Variants in GNRHR observed in about 807,000 individuals in gnomAD.
The protein encoded by GNRHR is gonadotropin-releasing hormone receptor.
Under a neutral mutation model 28.1 loss-of-function variants are expected in GNRHR, and 14 were observed. The observed-to-expected ratio is 0.50, with a 90% CI of 0.33 to 0.78. GNRHR has a LOEUF of 0.78. Ranked by LOEUF, GNRHR falls within the 30% of genes least tolerant of loss-of-function variation. The pLI is 0.02. For missense variants in GNRHR, 366 were observed against 382.1 expected (o/e 0.96, Z 0.35); for synonymous variants, 141 against 140.5 (o/e 1.00, Z -0.02).
intron 1 of GNRHR, among the ~76,000 whole-genome samples, chr4:67,748,716 T>C (rs1731810167): frequency 7.1e-6 from 1 of 141,844 alleles, no homozygotes; most frequent in South Asian, 2.1e-4. Context: ...TAAAGTATAA[T>C]AATAATAATA....
Position 67,753,851 on chromosome 4 carries a change from AG to A in GNRHR, c.484del (p.Leu162TrpfsTer19). ...NSKVGQSMVG[L>X]AWILSSVFAG... ...AAAGACACTACTGAGGATCCAGGCC[AG>A]GCCAACCATGGACTGTCCGACTTTG... On this transcript the variant is annotated frameshift_variant, in exon 1 of 3. Coordinates refer to ENST00000226413, the MANE Select transcript of GNRHR (RefSeq NM_000406.3). LOFTEE classifies it high-confidence loss of function. 6.2e-7 allele frequency: 1 copy of A among 1,613,868 alleles called. No homozygotes were observed. The highest frequency in any genetic ancestry group is 8.5e-7 in the Non-Finnish European group (1 of 1,179,908).
At position 67,754,099 on chromosome 4, in the gene GNRHR, G is replaced by A. The variant is rs1327752603; in HGVS notation, c.237C>T (p.Leu79=). Residue 79 remains leucine, a synonymous_variant, in exon 1 of 3, where the codon CTC becomes CTT. Transcript: ENST00000226413. ...KGKKLSRMKL[L]LKHLTLANLL... ...GGTTGGCTAAGGTCAGATGTTTTAA[G>A]AGCAGCTTCATTCTTGAGAGCTTTT... is the stretch of plus-strand genomic sequence containing the variant. The A allele has an allele frequency of 3.1e-6, 5 of 1,614,206 alleles. No individual in the cohort carries two copies. The highest frequency in any genetic ancestry group is 2.2e-5 in the East Asian group (1 of 44,888).
chr4:67,738,932 A>C lies in GNRHR; in HGVS notation c.*1548T>G, dbSNP rs1453038944. Among the ~76,000 whole-genome samples the C allele has an allele frequency of 1.3e-5, 2 of 151,934 alleles. No homozygotes were observed. On this transcript the variant is annotated 3_prime_UTR_variant, in exon 3 of 3. Coordinates refer to ENST00000226413, the MANE Select transcript of GNRHR (RefSeq NM_000406.3). ...AAAAAACAACAACACAACACTATAA[A>C]ACTGAAGTATGAGAGGAGAAAATCA...
At chr4:67,750,925 T>A (rs1176618600) in intron 1 of GNRHR, among the ~76,000 whole-genome samples, 1 of 152,182 alleles carries the variant, frequency 6.6e-6, no homozygotes. Context: ...TTCTCTCTCA[T>A]GTTCCTCATC....
Position 67,740,383 on chromosome 4 carries a change from G to A in GNRHR, c.*97C>T. 1.1e-6 allele frequency: 1 copy of A among 916,134 alleles called. No individual in the cohort carries two copies. The highest frequency in any genetic ancestry group is 1.8e-6 in the Non-Finnish European group (1 of 555,646). 56.8% of individuals were successfully genotyped at this position (916,134 alleles called of 1,614,324 possible). On this transcript the variant is annotated 3_prime_UTR_variant, in exon 3 of 3. Transcript: ENST00000226413. ...CTTAAGTGTAAATCCTACTTTGTTTGTATGTAAACATGCTCCAACATTTGT... is the reference window on the plus strand; with the variant it reads ...CTTAAGTGTAAATCCTACTTTGTTTATATGTAAACATGCTCCAACATTTGT...
intron 1 of GNRHR, 158 bp downstream of exon 1, chr4:67,753,655 AG>A: frequency 1.5e-6 from 1 of 656,838 alleles, no homozygotes; most frequent in Non-Finnish European, 2.6e-6. Flanking sequence ...AGTTTGCCCA[AG>A]GTAACAGAAC....
intron 1 of GNRHR, among the ~76,000 whole-genome samples, chr4:67,751,908 A>T (rs1300581900): frequency 6.6e-6 from 1 of 152,138 alleles, no homozygotes; most frequent in Admixed American, 6.5e-5. Flanking sequence ...TCCCTTCTAC[A>T]AACAAACAGG....
intron 1 of GNRHR, among the ~76,000 whole-genome samples, chr4:67,752,575 T>C (rs1451890766): frequency 6.6e-6 from 1 of 152,140 alleles, no homozygotes; most frequent in Non-Finnish European, 1.5e-5. Context: ...CTAAATCACC[T>C]CATTTCAGGT....
intron 1 of GNRHR, among the ~76,000 whole-genome samples, chr4:67,750,882 C>G (rs1342816195): frequency 6.6e-6 from 1 of 152,140 alleles, no homozygotes; most frequent in Non-Finnish European, 1.5e-5. Context: ...ACACACTCAT[C>G]ATGCATCACA....
At position 67,737,492 on chromosome 4, in the gene GNRHR, A is replaced by G. The variant is rs1043742872; in HGVS notation, c.*2988T>C. On this transcript the variant is annotated 3_prime_UTR_variant, in exon 3 of 3. Transcript: ENST00000226413. ...CCACAGGTAAAATAGATGGAGTTCTAGAAGTATTTTAACTGCCTAAAAACA... is the reference window on the plus strand; with the variant it reads ...CCACAGGTAAAATAGATGGAGTTCTGGAAGTATTTTAACTGCCTAAAAACA... 6.6e-6 allele frequency among the ~76,000 whole-genome samples: 1 copy of G among 152,018 alleles called. No homozygotes were observed. Among genetic ancestry groups the G allele is most frequent in the Non-Finnish European group, 1.5e-5 (1 of 67,902 alleles).
Position 67,744,756 on chromosome 4 carries a change from T to C in GNRHR, c.554A>G (p.Asp185Gly), listed in dbSNP as rs878981917. Residue 185 changes from aspartate (D) to glycine (G), a missense_variant, in exon 2 of 3, where the codon GAC becomes GGC. Transcript: ENST00000226413. ...LYIFRMIHLA[D>G]SSGQTKVFSQ... ...GAAAACTTTTGTCTGTCCAGAGCTG[T>C]CTGCTAGATGAATCATCCTGAAGAT... 11 of 1,597,710 alleles carry C rather than the reference T, an allele frequency of 6.9e-6. No individual in the cohort carries two copies. The Admixed American group carries it at 1.7e-4, about 24-fold the overall frequency.
chr4:67,746,430 G>T (rs1193342670), intron 1 of GNRHR, among the ~76,000 whole-genome samples: 2 of 151,854 alleles, frequency 1.3e-5, no homozygotes, highest in African/African-American at 4.8e-5. Context: ...AATTCTAGTG[G>T]ACATTTATTC....
chr4:67,739,899 G>A lies in GNRHR; in HGVS notation c.*581C>T, dbSNP rs1731624525. 1 of 152,996 alleles carries A rather than the reference G, an allele frequency of 6.5e-6. No homozygotes were observed. The highest frequency in any genetic ancestry group is 2.4e-5 in the African/African-American group (1 of 41,434). The allele number at this position is 152,996 out of a possible 1,614,324, so 9.5% of individuals were successfully genotyped here. A position where few individuals can be genotyped will look rare whatever the true frequency, so the allele number is the denominator to read the frequency against. On this transcript the variant is annotated 3_prime_UTR_variant, in exon 3 of 3. Transcript: ENST00000226413. ...GTCTTGTCAGGTTGCTGGAGTGGTTGGTGGGATTGGTTACTGACTCCTCCA... is the reference window on the plus strand; with the variant it reads ...GTCTTGTCAGGTTGCTGGAGTGGTTAGTGGGATTGGTTACTGACTCCTCCA...
rs746288508 is a variant in GNRHR, at chr4:67,744,750, G to C, written c.560C>G (p.Ser187Cys). 1 of 1,603,452 alleles carries C rather than the reference G, an allele frequency of 6.2e-7. No individual in the cohort carries two copies. The highest frequency in any genetic ancestry group is 8.5e-7 in the Non-Finnish European group (1 of 1,170,286). The change falls in exon 2 of 3, where the codon TCT (serine) becomes TGT (cysteine). Residue 187 changes from serine (S) to cysteine (C), a missense_variant. Physicochemically the swap from Ser to Cys is moderately radical, Grantham distance 112 (BLOSUM62 -1). Transcript: ENST00000226413. ...TTGAGAGAAAACTTTTGTCTGTCCAGAGCTGTCTGCTAGATGAATCATCCT... is the reference window on the plus strand; with the variant it reads ...TTGAGAGAAAACTTTTGTCTGTCCACAGCTGTCTGCTAGATGAATCATCCT... ...IFRMIHLADS[S>C]GQTKVFSQCV...
At chr4:67,750,010 T>C (rs1156595538) in intron 1 of GNRHR, among the ~76,000 whole-genome samples, 2 of 152,140 alleles carry the variant, frequency 1.3e-5, no homozygotes, top group Non-Finnish European at 2.9e-5. Context: ...AGGATGGTCT[T>C]AGGAAGAAAG....
At chr4:67,740,786 C>CA in intron 2 of GNRHR, 62 bp from the exon 3 acceptor site, 1 of 1,246,996 alleles carries the variant, frequency 8.0e-7, no homozygotes, top group Non-Finnish European at 1.2e-6. Flanking sequence ...CCAAAGTGGA[C>CA]AAAAAGGAAG....
chr4:67,740,682 C>T lies in GNRHR; in HGVS notation c.785G>A (p.Arg262Gln), dbSNP rs104893837. The change falls in exon 3 of 3, where the codon CGG becomes CAG. Residue 262 changes from arginine (R) to glutamine (Q), a missense_variant. Arg to Gln is a conservative substitution (Grantham distance 43, BLOSUM62 1). Coordinates refer to ENST00000226413, the MANE Select transcript of GNRHR (RefSeq NM_000406.3). Reference sequence around the variant, plus strand: ...AACCGTCATTTTTAGAGTCTTCAGCCGTGCTCTTGGTATATTGTTCTTGGA... The same window carrying T: ...AACCGTCATTTTTAGAGTCTTCAGCTGTGCTCTTGGTATATTGTTCTTGGA... ...NQSKNNIPRA[R>Q]LKTLKMTVAF... 1.5e-3 allele frequency: 2,456 copies of T among 1,604,490 alleles called. 7 individuals carry two copies. Among genetic ancestry groups the T allele is most frequent in the South Asian group, 2.1e-3 (191 of 90,902 alleles).
intron 1 of GNRHR, among the ~76,000 whole-genome samples, chr4:67,752,619 A>C (rs1450103840): frequency 6.6e-6 from 1 of 152,184 alleles, no homozygotes; most frequent in Non-Finnish European, 1.5e-5. Flanking sequence ...TATGTATTGC[A>C]TCACTGTGAA....
chr4:67,753,746 C>T lies in GNRHR; in HGVS notation c.522+68G>A, dbSNP rs144568414. 9.1e-6 allele frequency: 12 copies of T among 1,311,868 alleles called. No homozygotes were observed. The African/African-American group carries it at 1.7e-4, about 19-fold the overall frequency. 81.3% of individuals were successfully genotyped at this position (1,311,868 alleles called of 1,614,324 possible). On this transcript the variant is annotated intron_variant, in intron 1 of 2. Coordinates refer to ENST00000226413, the MANE Select transcript of GNRHR (RefSeq NM_000406.3). The stretch of plus-strand genomic sequence containing the variant: ...AATACAGTACTTCCTTTGATAAGAC[C>T]TTATATCAAATTTAGATAGGAAATC...
Sources: allele counts gnomAD v4.1 joint callset (sites outside exome capture counted in the v4.1 genomes callset), GRCh38; gene constraint gnomAD v4.1.1; transcripts MANE v1.5; gene names NCBI Gene and HGNC (gene_info 2026-07-23, HGNC 2026-07-21).